RAB44: variants seen among roughly 807,000 people sequenced by gnomAD.
RAB44 encodes ras-related protein Rab-44.
A neutral mutation model predicts 93.3 loss-of-function variants in RAB44; 67 were observed. That is an observed-to-expected ratio of 0.72 (90% confidence interval 0.59 to 0.88). The LOEUF is 0.88. Ranked by LOEUF, RAB44 falls within the 40% of genes least tolerant of loss-of-function variation. RAB44 has a pLI of 0.00. For missense variants in RAB44, 1,064 were observed against 1,261.7 expected (o/e 0.84, Z 2.37); for synonymous variants, 427 against 520.3 (o/e 0.82, Z 2.44).
Position 36,725,850 on chromosome 6 carries a change from T to C in RAB44, c.2600-12T>C. The C allele has an allele frequency of 6.5e-7, 1 of 1,546,884 alleles. No individual in the cohort carries two copies. Among genetic ancestry groups the C allele is most frequent in the East Asian group, 2.4e-5 (1 of 40,892 alleles). On this transcript the variant is annotated splice_polypyrimidine_tract_variant and intron_variant, in intron 9 of 13. Transcript: ENST00000612677. ...TAACTTAGTAGGCTTCACCCCTCTC[T>C]ATGTGTCCTAGGAGTAGATTTTCGG...
chr6:36,720,216 A>C, intron 7 of RAB44, 147 bp from the exon 8 acceptor site: 2 of 576,664 alleles, frequency 3.5e-6, no homozygotes, highest in South Asian at 9.6e-5. Context: ...CCAAGGAGGG[A>C]TAACCGCCCA....
chr6:36,732,334 C>A lies in RAB44; in HGVS notation c.*241C>A. 1 of 302,120 alleles carries A rather than the reference C, an allele frequency of 3.3e-6. No individual in the cohort carries two copies. Among genetic ancestry groups the A allele is most frequent in the Non-Finnish European group, 6.0e-6 (1 of 165,846 alleles). 18.7% of individuals were successfully genotyped at this position (302,120 alleles called of 1,614,324 possible). A position where few individuals can be genotyped will look rare whatever the true frequency, so the allele number is the denominator to read the frequency against. On this transcript the variant is annotated 3_prime_UTR_variant, in exon 14 of 14. Transcript: ENST00000612677. ...CAGGGGTATGGCAAAACTCTCCAAA[C>A]AAAGAAAGTCTAGAAAAACGACTTA...
At chr6:36,720,245 CT>C in intron 7 of RAB44, 117 bp from the exon 8 acceptor site, 1 of 848,858 alleles carries the variant, frequency 1.2e-6, no homozygotes, top group South Asian at 6.3e-5. Flanking sequence ...CTGATTTAAG[CT>C]GGGTCTCCAG....
At position 36,721,464 on chromosome 6, in the gene RAB44, G is replaced by A. The variant is rs765231720; in HGVS notation, c.1330G>A (p.Asp444Asn). 25 of 1,234,304 alleles carry A rather than the reference G, an allele frequency of 2.0e-5. No homozygotes were observed. The highest frequency in any genetic ancestry group is 2.5e-5 in the Non-Finnish European group (25 of 988,244). 76.5% of individuals were successfully genotyped at this position (1,234,304 alleles called of 1,614,324 possible). ...ACCTGGGGTGACTTTCAGCGCCAAGGACAATAAAGGAGTGGACCCACATGA... is the reference window on the plus strand; with the variant it reads ...ACCTGGGGTGACTTTCAGCGCCAAGAACAATAAAGGAGTGGACCCACATGA... ...TPPGVTFSAK[D>N]NKGVDPHEQD... The change falls in exon 9 of 14, where the codon GAC (aspartate) becomes AAC (asparagine). Residue 444 changes from aspartate to asparagine, a missense_variant. Asp to Asn is a conservative substitution (Grantham distance 23, BLOSUM62 1). Coordinates refer to ENST00000612677, the MANE Select transcript of RAB44 (RefSeq NM_001257357.2).
rs757533423 is a variant in RAB44, at chr6:36,715,493, T to C, written c.334T>C (p.Ser112Pro). Residue 112 changes from serine to proline, a missense_variant, in exon 4 of 14, where the codon TCC becomes CCC. Transcript: ENST00000612677. ...CTGTCCCACAGAAAACATCTTTGGC[T>C]CCAGCCAGAGCCCCCACAGGCTCCG... ...FSSGLKNIFG[S>P]SQSPHRLRRR... is the part of the protein sequence containing the mutation. The C allele has an allele frequency of 6.5e-7, 1 of 1,536,084 alleles. No individual in the cohort carries two copies. Among genetic ancestry groups the C allele is most frequent in the Middle Eastern group, 1.7e-4 (1 of 5,986 alleles).
chr6:36,728,610 C>A (rs932203084), intron 11 of RAB44, 90 bp from the exon 12 acceptor site: 3 of 1,003,388 alleles, frequency 3.0e-6, no homozygotes, highest in Non-Finnish European at 4.6e-6. Flanking sequence ...GGGGAACATG[C>A]GGGGGACACA....
In RAB44 at chr6:36,715,533, T is replaced by C. The variant is rs1159478090; in HGVS notation, c.374T>C (p.Leu125Pro). The change falls in exon 4 of 14, where the codon CTG (leucine) becomes CCG (proline). Residue 125 changes from leucine to proline, a missense_variant. Physicochemically the swap from Leu to Pro is moderately conservative, Grantham distance 98. Coordinates refer to ENST00000612677, the MANE Select transcript of RAB44 (RefSeq NM_001257357.2). ...CACAGGCTCCGCAGAAGGAAGCCACTGCCCTCTAAGCGGGTATCTGCTACC... is the reference window on the plus strand; with the variant it reads ...CACAGGCTCCGCAGAAGGAAGCCACCGCCCTCTAAGCGGGTATCTGCTACC... ...SPHRLRRRKP[L>P]PSKRVSATTS... 6.5e-7 allele frequency: 1 copy of C among 1,536,176 alleles called. No homozygotes were observed. Among genetic ancestry groups the C allele is most frequent in the African/African-American group, 1.4e-5 (1 of 73,184 alleles).
Position 36,728,789 on chromosome 6 carries a change from G to GCA in RAB44, c.2887_2888dup (p.Gln963HisfsTer26). 1.3e-6 allele frequency: 2 copies of GCA among 1,550,500 alleles called. No individual in the cohort carries two copies. Among genetic ancestry groups the GCA allele is most frequent in the South Asian group, 2.4e-5 (2 of 84,052 alleles). ...GGCAAGTGTCCGTGGAAGCTGGGCAGCAACTGGCCCAGGTAAGCACTTGGG... is the reference window on the plus strand; with the variant it reads ...GGCAAGTGTCCGTGGAAGCTGGGCAGCACAACTGGCCCAGGTAAGCACTTGGG... On this transcript the variant is annotated frameshift_variant, in exon 12 of 14. Coordinates refer to ENST00000612677, the MANE Select transcript of RAB44 (RefSeq NM_001257357.2). LOFTEE classifies it high-confidence loss of function.
At chr6:36,705,411 C>CCCTCT in intron 2 of RAB44, among the ~76,000 whole-genome samples, 2 of 129,294 alleles carry the variant, frequency 1.5e-5, no homozygotes, top group African/African-American at 6.6e-5. Flanking sequence ...TCCCTCCCTT[C>CCCTCT]CTTCCTTCCT....
At chr6:36,728,905 C>T (rs1324508628) in intron 12 of RAB44, 104 bp downstream of exon 12, 17 of 936,866 alleles carry the variant, frequency 1.8e-5, no homozygotes, top group Middle Eastern at 3.1e-4. Context: ...GAGAAGAACC[C>T]GTGGCCCATT....
intron 7 of RAB44, among the ~76,000 whole-genome samples, chr6:36,719,377 C>CT (rs1763012375): frequency 6.6e-6 from 1 of 152,196 alleles, no homozygotes; most frequent in Admixed American, 6.5e-5. Flanking sequence ...AGAGATAGGG[C>CT]TTTACACATG....
chr6:36,704,112 G>A (rs1186638900), intron 1 of RAB44, 112 bp from the exon 2 acceptor site: 2 of 986,064 alleles, frequency 2.0e-6, no homozygotes, highest in African/African-American at 3.2e-5. Context: ...GCCGGGCTTT[G>A]GCAGCCACAG....
In RAB44 at chr6:36,722,477, T is replaced by G; in HGVS notation, c.2343T>G (p.Thr781=). The change falls in exon 9 of 14, where the codon ACT becomes ACG. Residue 781 remains threonine, a synonymous_variant. Transcript: ENST00000612677. ...QEAQPRPSLT[T]AHAEEQGPPH... ...CCCAACCCAGGCCATCCCTCACGACTGCTCACGCAGAAGAACAAGGCCCGC... is the reference window on the plus strand; with the variant it reads ...CCCAACCCAGGCCATCCCTCACGACGGCTCACGCAGAAGAACAAGGCCCGC... 6.8e-7 allele frequency: 1 copy of G among 1,470,478 alleles called. No individual in the cohort carries two copies. The highest frequency in any genetic ancestry group is 2.5e-5 in the East Asian group (1 of 40,326). The allele number at this position is 1,470,478 out of a possible 1,614,324, so 91.1% of individuals were successfully genotyped here.
At chr6:36,727,005 T>C (rs543544930) in intron 10 of RAB44, among the ~76,000 whole-genome samples, 7 of 125,970 alleles carry the variant, frequency 5.6e-5, no homozygotes, top group Non-Finnish European at 1.2e-4. Flanking sequence ...TTCACCATGT[T>C]GGCCAGGCCG....
At position 36,727,675 on chromosome 6, in the gene RAB44, G is replaced by T. The variant is rs1763271888; in HGVS notation, c.2780G>T (p.Trp927Leu). 1.3e-6 allele frequency: 2 copies of T among 1,550,082 alleles called. No individual in the cohort carries two copies. The highest frequency in any genetic ancestry group is 2.7e-5 in the African/African-American group (2 of 73,044). Residue 927 changes from tryptophan to leucine, a missense_variant, in exon 11 of 14, where the codon TGG becomes TTG. Trp to Leu is a moderately conservative substitution (Grantham distance 61). Coordinates refer to ENST00000612677, the MANE Select transcript of RAB44 (RefSeq NM_001257357.2). ...GAGAGCTTTGCCCACGTGCGCTACT[G>T]GCTAGACTGTCTCCAGGTGAGCAGA... ...SQESFAHVRY[W>L]LDCLQDAGSD...
chr6:36,704,328 T>A lies in RAB44; in HGVS notation c.93T>A (p.Ala31=). 1.3e-6 allele frequency: 2 copies of A among 1,536,110 alleles called. No individual in the cohort carries two copies. The highest frequency in any genetic ancestry group is 1.7e-6 in the Non-Finnish European group (2 of 1,146,896). Residue 31 remains alanine, a synonymous_variant, in exon 2 of 14, where the codon GCT becomes GCA. Transcript: ENST00000612677. ...GAGAGCCAGCTGATGGTGAAGGCGC[T>A]GCAGTGGCCCCAGAGCCAGAGTCTT... The part of the protein sequence containing the change: ...QTREPADGEG[A]AVAPEPESWS...
intron 12 of RAB44, 60 bp from the exon 13 acceptor site, chr6:36,730,613 G>A (rs2150343248): frequency 3.7e-6 from 4 of 1,079,874 alleles, no homozygotes; most frequent in African/African-American, 1.6e-5. Flanking sequence ...GGCGGGGTAT[G>A]GCCTGGCCTT....
At position 36,724,139 on chromosome 6, in the gene RAB44, TTTTATTTATTTATTTA is replaced by T. The variant is rs35704587; in HGVS notation, c.2599+1434_2599+1449del. Among the ~76,000 whole-genome samples, 96 of 146,470 alleles carry T rather than the reference TTTTATTTATTTATTTA, an allele frequency of 6.6e-4. 1 individual carries two copies. Among genetic ancestry groups the T allele is most frequent in the African/African-American group, 1.9e-3 (73 of 39,158 alleles). ...GTTCTACAACACTACCATTATTTTA[TTTTATTTATTTATTTA>T]TTTATTTATTTATTTATTTATTTAT... is the stretch of plus-strand genomic sequence containing the variant. On this transcript the variant is annotated intron_variant, in intron 9 of 13. Coordinates refer to ENST00000612677, the MANE Select transcript of RAB44 (RefSeq NM_001257357.2).
At position 36,720,031 on chromosome 6, in the gene RAB44, C is replaced by T. The variant is rs948053376; in HGVS notation, c.829-332C>T. Among the ~76,000 whole-genome samples, 8 of 152,184 alleles carry T rather than the reference C, an allele frequency of 5.3e-5. No homozygotes were observed. In the East Asian group the frequency reaches 9.6e-4, roughly 18 times the overall value. ...GATCAGGAGCCCCCTGTAGACCAGACAGGCTCAGGGGCCAGCAGCCACTGT... is the reference window on the plus strand; with the variant it reads ...GATCAGGAGCCCCCTGTAGACCAGATAGGCTCAGGGGCCAGCAGCCACTGT... On this transcript the variant is annotated intron_variant, in intron 7 of 13. Coordinates refer to ENST00000612677, the MANE Select transcript of RAB44 (RefSeq NM_001257357.2).
Sources: gnomAD v4.1 joint callset for allele counts (sites outside exome capture counted in the v4.1 genomes callset) on GRCh38, gnomAD v4.1.1 for gene constraint, MANE v1.5 for transcripts, NCBI Gene and HGNC (gene_info 2026-07-23, HGNC 2026-07-21) for gene names.